Variants in CNKSR3 observed in about 807,000 individuals in gnomAD.
The protein encoded by CNKSR3 is CNKSR family member 3.
CNKSR3 carries 36 observed loss-of-function variants against 67.7 expected under a neutral mutation model. The observed-to-expected ratio is 0.53, with a 90% confidence interval of 0.41 to 0.70. The LOEUF (loss-of-function observed/expected upper bound fraction) is 0.70, where lower values mean the gene tolerates loss of function less well. Among genes scored for constraint, CNKSR3 ranks in the 30% least tolerant of loss-of-function variants. The probability of loss-of-function intolerance (pLI) is 0.00; values close to 1 mark genes in which losing one functional copy is unlikely to be tolerated. For synonymous variants in CNKSR3, 281 were observed against 271.4 expected (o/e 1.04, Z -0.35); for missense variants, 630 against 695.2 (o/e 0.91, Z 1.05).
chr6:154,443,141 G>A (rs1433649551), intron 2 of CNKSR3, among the ~76,000 whole-genome samples: 1 of 152,036 alleles, frequency 6.6e-6, no homozygotes, highest in Non-Finnish European at 1.5e-5. Context: ...CAGGCACAAT[G>A]CCCCCCTCGG....
intron 9 of CNKSR3, among the ~76,000 whole-genome samples, chr6:154,422,205 G>A (rs889219239): frequency 6.6e-6 from 1 of 151,894 alleles, no homozygotes; most frequent in African/African-American, 2.4e-5. Context: ...TGTTAGCCAG[G>A]ATGGTCTCGA....
intron 1 of CNKSR3, among the ~76,000 whole-genome samples, chr6:154,454,455 G>A (rs895220053): frequency 4.1e-4 from 62 of 152,286 alleles, no homozygotes; most frequent in African/African-American, 1.5e-3. Flanking sequence ...GGGAGGCCAA[G>A]GCAAAAGGAC....
intron 1 of CNKSR3, among the ~76,000 whole-genome samples, chr6:154,491,715 C>A (rs1786787998): frequency 6.6e-6 from 1 of 152,078 alleles, no homozygotes; most frequent in Admixed American, 6.6e-5. Flanking sequence ...CTGAATAACT[C>A]TTCTCTGTAG....
rs773533317 is a variant in CNKSR3, at chr6:154,415,227, C to CTTTTTTTTTTTTT, written c.946-805_946-804insAAAAAAAAAAAAA. On this transcript the variant is annotated intron_variant, in intron 9 of 12. Coordinates refer to ENST00000607772, the MANE Select transcript of CNKSR3 (RefSeq NM_173515.4). ...ATCCTGGCTAGACTTACTAGCTGCC[C>CTTTTTTTTTTTTT]ATTTTTTTTTTTTTTTTTTTTAAGA... Among the ~76,000 whole-genome samples the CTTTTTTTTTTTTT allele has an allele frequency of 6.4e-4, 72 of 112,766 alleles. 6 individuals are homozygous for CTTTTTTTTTTTTT. In the East Asian group the frequency reaches 8.3e-3, roughly 13 times the overall value. 74.0% of individuals were successfully genotyped at this position (112,766 alleles called of 152,430 possible).
At chr6:154,427,717 C>T (rs1443978781) in intron 7 of CNKSR3, among the ~76,000 whole-genome samples, 2 of 152,024 alleles carry the variant, frequency 1.3e-5, no homozygotes, top group African/African-American at 4.8e-5. Context: ...GTAAAAAATC[C>T]TGAAATAGCT....
intron 1 of CNKSR3, among the ~76,000 whole-genome samples, chr6:154,502,602 A>T (rs1787021711): frequency 6.6e-6 from 1 of 152,186 alleles, no homozygotes; most frequent in African/African-American, 2.4e-5. Context: ...GCCTGGTCCC[A>T]GCTCCTCACC....
At chr6:154,423,257 A>G (rs1025454597) in intron 7 of CNKSR3, among the ~76,000 whole-genome samples, 2 of 152,074 alleles carry the variant, frequency 1.3e-5, no homozygotes, top group African/African-American at 4.8e-5. Context: ...GACTGGACAT[A>G]CTGTCTTTTG....
chr6:154,435,976 C>T (rs561607973), intron 4 of CNKSR3, among the ~76,000 whole-genome samples: 30 of 152,170 alleles, frequency 2.0e-4, no homozygotes, highest in African/African-American at 6.7e-4. Flanking sequence ...TGTGATGGCA[C>T]GCGTCAAGCG....
Position 154,392,906 on chromosome 6 carries a change from GGTTT to G in CNKSR3, c.*13444_*13447del, listed in dbSNP as rs368773867. The G allele has an allele frequency of 2.1e-4, 32 of 152,244 alleles. 1 individual carries two copies. Among genetic ancestry groups the G allele is most frequent in the African/African-American group, 2.7e-4 (11 of 41,410 alleles). The allele number at this position is 152,244 out of a possible 1,614,324, so 9.4% of individuals were successfully genotyped here. A position where few individuals can be genotyped will look rare whatever the true frequency, so the allele number is the denominator to read the frequency against. ...AGCATTGTCCTCTGAGGTAGTTAGT[GGTTT>G]GTTTGTTTGTTTGTTTGTTTGGAGA... is the stretch of plus-strand genomic sequence containing the variant. On this transcript the variant is annotated 3_prime_UTR_variant, in exon 13 of 13. Transcript: ENST00000607772.
intron 4 of CNKSR3, among the ~76,000 whole-genome samples, chr6:154,438,566 A>AG (rs1785519306): frequency 6.6e-6 from 1 of 152,200 alleles, no homozygotes; most frequent in South Asian, 2.1e-4. Context: ...AGGTTCAAAA[A>AG]TTATAAGTGA....
At chr6:154,408,185 T>C (rs1315773778) in intron 12 of CNKSR3, among the ~76,000 whole-genome samples, 1 of 151,924 alleles carries the variant, frequency 6.6e-6, no homozygotes, top group Non-Finnish European at 1.5e-5. Flanking sequence ...CCACCACACC[T>C]GGCCAATTTT....
intron 7 of CNKSR3, among the ~76,000 whole-genome samples, chr6:154,425,049 GGCGTGAGCCACC>G (rs1199530523): frequency 1.3e-5 from 2 of 152,204 alleles, no homozygotes; most frequent in African/African-American, 4.8e-5. Context: ...TGAGATTACA[GGCGTGAGCCACC>G]GCACCCGGCT....
At chr6:154,441,573 T>C (rs1354856324) in intron 3 of CNKSR3, among the ~76,000 whole-genome samples, 194 bp from the exon 4 acceptor site, 2 of 152,142 alleles carry the variant, frequency 1.3e-5, no homozygotes, top group African/African-American at 4.8e-5. Context: ...AATCTACGCC[T>C]CCCAGGTTCA....
At chr6:154,483,489 C>G (rs1406159499) in intron 1 of CNKSR3, among the ~76,000 whole-genome samples, 1 of 151,952 alleles carries the variant, frequency 6.6e-6, no homozygotes, top group Non-Finnish European at 1.5e-5. Context: ...CTAGAAGTCC[C>G]CTACCCTCAC....
In CNKSR3 at chr6:154,483,791, C is replaced by G. The variant is rs533868007; in HGVS notation, c.52+26272G>C. Among the ~76,000 whole-genome samples, 14 of 152,296 alleles carry G rather than the reference C, an allele frequency of 9.2e-5. No homozygotes were observed. The South Asian group carries it at 2.7e-3, about 29-fold the overall frequency. On this transcript the variant is annotated intron_variant, in intron 1 of 12. Transcript: ENST00000607772. ...GTAAGTACATCTGAATGCATCAGAT[C>G]TTGTTGTGTAATAAATAATGCTGAC...
At chr6:154,490,394 T>G (rs1330728928) in intron 1 of CNKSR3, among the ~76,000 whole-genome samples, 4 of 152,204 alleles carry the variant, frequency 2.6e-5, no homozygotes, top group African/African-American at 9.6e-5. Context: ...TATTTATATG[T>G]ATGTATCTAA....
intron 1 of CNKSR3, among the ~76,000 whole-genome samples, chr6:154,468,545 T>C (rs932741836): frequency 6.6e-6 from 1 of 152,028 alleles, no homozygotes; most frequent in Non-Finnish European, 1.5e-5. Flanking sequence ...ACCGACTCTA[T>C]TAGGATAATG....
At chr6:154,507,870 T>C (rs1562362442) in intron 1 of CNKSR3, among the ~76,000 whole-genome samples, 1 of 152,200 alleles carries the variant, frequency 6.6e-6, no homozygotes, top group Non-Finnish European at 1.5e-5. Flanking sequence ...AACGTTTTAA[T>C]CTACTTTCCC....
Position 154,397,498 on chromosome 6 carries a change from A to G in CNKSR3, c.*8856T>C. ...CATTGGCATGGCCATGAACACAAAC[A>G]ATATAAAATGCCAATTTAACCAATC... On this transcript the variant is annotated 3_prime_UTR_variant, in exon 13 of 13. Coordinates refer to ENST00000607772, the MANE Select transcript of CNKSR3 (RefSeq NM_173515.4). The G allele has an allele frequency of 6.6e-6, 1 of 152,252 alleles. No individual in the cohort carries two copies. Among genetic ancestry groups the G allele is most frequent in the East Asian group, 1.9e-4 (1 of 5,204 alleles). The allele number at this position is 152,252 out of a possible 1,614,324, so 9.4% of individuals were successfully genotyped here.
Sources: gnomAD v4.1 joint callset for allele counts (sites outside exome capture counted in the v4.1 genomes callset) on GRCh38, gnomAD v4.1.1 for gene constraint, MANE v1.5 for transcripts, NCBI Gene and HGNC (gene_info 2026-07-23, HGNC 2026-07-21) for gene names.